Variants in ATP10A observed in about 807,000 individuals in gnomAD.
ATP10A encodes the protein ATPase phospholipid transporting 10A (putative), also known as phospholipid-transporting ATPase VA.
Under a neutral mutation model 147.8 loss-of-function variants are expected in ATP10A, and 111 were observed. That is an observed-to-expected ratio of 0.75 (90% CI 0.64 to 0.88). The LOEUF is 0.88. Among genes scored for constraint, ATP10A ranks in the 40% least tolerant of loss-of-function variants. ATP10A has a pLI of 0.00. For synonymous variants in ATP10A, 875 were observed against 841.6 expected (o/e 1.04, Z -0.69); for missense variants, 1,927 against 1,959.0 (o/e 0.98, Z 0.31).
intron 1 of ATP10A, among the ~76,000 whole-genome samples, chr15:25,787,325 C>T (rs4906772): frequency 0.42 from 64,246 of 151,620 alleles, 13,685 homozygotes; most frequent in East Asian, 0.6. Context: ...GCTTGAGAAA[C>T]GGTGGAGGCC....
At chr15:25,677,051 T>C (rs1476147864), downstream of ATP10A, among the ~76,000 whole-genome samples, 2 of 152,166 alleles carry the variant, frequency 1.3e-5, no homozygotes, top group East Asian at 3.9e-4. Context: ...ACATAGTATC[T>C]GACCTCCGAG....
rs1359208369 is a variant in ATP10A, at chr15:25,686,898, A to T, written c.3291+805T>A. Among the ~76,000 whole-genome samples, 3 of 108,440 alleles carry T rather than the reference A, an allele frequency of 2.8e-5. 1 individual carries two copies. The highest frequency in any genetic ancestry group is 5.0e-5 in the Non-Finnish European group (3 of 59,914). 71.1% of individuals were successfully genotyped at this position (108,440 alleles called of 152,430 possible). A position where few individuals can be genotyped will look rare whatever the true frequency, so the allele number is the denominator to read the frequency against. On this transcript the variant is annotated intron_variant, in intron 16 of 20. Transcript: ENST00000555815. ...CCAACGTGAAGATCCACATGAAATG[A>T]CCATGCAGAACCCTCAGAGAGACAG...
At chr15:25,732,177 G>A (rs2140470085) in intron 3 of ATP10A, among the ~76,000 whole-genome samples, 1 of 152,142 alleles carries the variant, frequency 6.6e-6, no homozygotes, top group East Asian at 1.9e-4. Flanking sequence ...TTTTTTTTCT[G>A]TTTGTATTTG....
At chr15:25,705,069 G>T (rs537632380) in intron 12 of ATP10A, among the ~76,000 whole-genome samples, 1 of 152,306 alleles carries the variant, frequency 6.6e-6, no homozygotes, top group South Asian at 2.1e-4. Context: ...TTAAGGAAAA[G>T]AAAATTTCAA....
intron 7 of ATP10A, among the ~76,000 whole-genome samples, chr15:25,721,397 G>A (rs1222802196): frequency 3.3e-5 from 5 of 152,202 alleles, no homozygotes; most frequent in Non-Finnish European, 5.9e-5. Flanking sequence ...GATTGCTTAG[G>A]CGGATGCCTG....
chr15:25,702,132 C>T (rs536289180), intron 12 of ATP10A, 32 bp from the exon 13 acceptor site: 34 of 1,580,142 alleles, frequency 2.2e-5, no homozygotes, highest in African/African-American at 1.9e-4. Flanking sequence ...TGAGCGAACC[C>T]GCTTCTCACG....
At chr15:25,788,330 G>T (rs147725221) in intron 1 of ATP10A, among the ~76,000 whole-genome samples, 43 of 152,190 alleles carry the variant, frequency 2.8e-4, no homozygotes, top group Admixed American at 1.0e-3. Flanking sequence ...AAGACAGGGC[G>T]CCAGCCCAGA....
At chr15:25,847,516 A>T (rs933418290) in intron 1 of ATP10A, among the ~76,000 whole-genome samples, 1 of 146,226 alleles carries the variant, frequency 6.8e-6, no homozygotes, top group Non-Finnish European at 1.5e-5. Flanking sequence ...TTTCCACCGT[A>T]TCATGATCTT....
At chr15:25,780,433 A>G (rs1264708181) in intron 2 of ATP10A, among the ~76,000 whole-genome samples, 1 of 152,216 alleles carries the variant, frequency 6.6e-6, no homozygotes, top group East Asian at 1.9e-4. Context: ...CTCCCGGCAC[A>G]GACCTGGCGG....
At position 25,860,262 on chromosome 15, in the gene ATP10A, C is replaced by T. The variant is rs370528967; in HGVS notation, c.449+2386G>A. Among the ~76,000 whole-genome samples, 28 of 152,258 alleles carry T rather than the reference C, an allele frequency of 1.8e-4. No individual in the cohort carries two copies. The East Asian group carries it at 4.5e-3, about 24-fold the overall frequency. ...AGCACCCACTCTCTGCCCCACCTTG[C>T]TTGGCACCATTTTCCTGATCCTCAC... On this transcript the variant is annotated intron_variant, in intron 1 of 20. Coordinates refer to ENST00000555815, the MANE Select transcript of ATP10A (RefSeq NM_024490.4).
intron 1 of ATP10A, among the ~76,000 whole-genome samples, chr15:25,781,724 A>C (rs956062701): frequency 1.3e-5 from 2 of 152,194 alleles, no homozygotes; most frequent in Non-Finnish European, 1.5e-5. Context: ...AGAAGAAAAG[A>C]GTATTCATAA....
At chr15:25,684,495 G>T (rs1251904440) in intron 16 of ATP10A, among the ~76,000 whole-genome samples, 1 of 152,218 alleles carries the variant, frequency 6.6e-6, no homozygotes, top group Non-Finnish European at 1.5e-5. Flanking sequence ...ATCGCCTACG[G>T]TGTATGGTGG....
Position 25,718,419 on chromosome 15 carries a change from G to T in ATP10A, c.1364-20C>A, listed in dbSNP as rs2140411294. On this transcript the variant is annotated intron_variant, in intron 7 of 20. Transcript: ENST00000555815. ...GCTGCGCTGCGGGGAGAGGGCGCAG[G>T]GTGAGGCATCATGGGGGAAGGCTGG... The T allele has an allele frequency of 6.4e-7, 1 of 1,569,538 alleles. No homozygotes were observed. Among genetic ancestry groups the T allele is most frequent in the Non-Finnish European group, 8.6e-7 (1 of 1,161,616 alleles).
chr15:25,828,004 A>G (rs543234772), intron 1 of ATP10A, among the ~76,000 whole-genome samples: 1 of 152,360 alleles, frequency 6.6e-6, no homozygotes, highest in East Asian at 1.9e-4. Context: ...TGGCTATGTT[A>G]GTATTAGAAC....
chr15:25,714,203 C>A lies in ATP10A; in HGVS notation c.1815G>T (p.Thr605=). The change falls in exon 10 of 21, where the codon ACG becomes ACT. Residue 605 remains threonine, a synonymous_variant. Transcript: ENST00000555815. The part of the protein sequence containing the change: ...VRFELKSPVK[T]IEDFLRRFTP... ...TGAACCTCCGCAGGAAGTCTTCTATCGTCTTCACCGGGGACTTCAGCTCAA... is the reference window on the plus strand; with the variant it reads ...TGAACCTCCGCAGGAAGTCTTCTATAGTCTTCACCGGGGACTTCAGCTCAA... The A allele has an allele frequency of 4.4e-6, 7 of 1,602,622 alleles. No individual in the cohort carries two copies. The highest frequency in any genetic ancestry group is 5.9e-6 in the Non-Finnish European group (7 of 1,179,956).
chr15:25,740,300 C>A (rs1488846274), intron 2 of ATP10A, among the ~76,000 whole-genome samples: 1 of 152,192 alleles, frequency 6.6e-6, no homozygotes, highest in African/African-American at 2.4e-5. Context: ...ATTGCTTCAG[C>A]CATTGGGTGA....
chr15:25,812,982 A>C (rs17735363), intron 1 of ATP10A, among the ~76,000 whole-genome samples: 23,784 of 152,284 alleles, frequency 0.16, 1,940 homozygotes, highest in South Asian at 0.22. Flanking sequence ...TCTCTGTCCC[A>C]GTTCATCATC....
chr15:25,773,749 CACTT>C lies in ATP10A; in HGVS notation c.654+7266_654+7269del, dbSNP rs369051501. On this transcript the variant is annotated intron_variant, in intron 2 of 20. Transcript: ENST00000555815. ...TGGAACATACACTTACTTGCACACT[CACTT>C]GCAAAAATGTTTGCACTCACACCTG... is the stretch of plus-strand genomic sequence containing the variant. Among the ~76,000 whole-genome samples, 146 of 152,262 alleles carry C rather than the reference CACTT, an allele frequency of 9.6e-4. 1 individual carries two copies. In the East Asian group the frequency reaches 0.026, roughly 27 times the overall value.
At chr15:25,727,725 C>G (rs940413798) in intron 3 of ATP10A, among the ~76,000 whole-genome samples, 9 of 152,214 alleles carry the variant, frequency 5.9e-5, no homozygotes, top group African/African-American at 2.2e-4. Context: ...TTTTAACATC[C>G]TTTTCTCTTA....
Sources: allele counts gnomAD v4.1 joint callset (sites outside exome capture counted in the v4.1 genomes callset), GRCh38; gene constraint gnomAD v4.1.1; transcripts MANE v1.5; gene names NCBI Gene and HGNC (gene_info 2026-07-23, HGNC 2026-07-21).